DLL4: variants seen among roughly 807,000 people sequenced by gnomAD.
DLL4 encodes the protein delta like canonical Notch ligand 4.
DLL4 carries 7 observed loss-of-function variants against 73.6 expected under a neutral mutation model. The ratio of observed to expected loss-of-function variants is 0.10; its 90% CI spans 0.05 to 0.18. DLL4 has a LOEUF of 0.18. Among genes scored for constraint, DLL4 ranks in the 10% least tolerant of loss-of-function variants. DLL4 has a pLI of 1.00. For missense variants in DLL4, 614 were observed against 929.9 expected (o/e 0.66, Z 4.42); for synonymous variants, 345 against 374.3 (o/e 0.92, Z 0.90).
rs953872672 is a variant in DLL4 at position 40,929,413 on chromosome 15, A to G, written c.-256A>G. 39 of 494,782 alleles carry G rather than the reference A, an allele frequency of 7.9e-5. 1 individual carries two copies. The highest frequency in any genetic ancestry group is 7.3e-4 in the African/African-American group (36 of 49,128). The allele number at this position is 494,782 out of a possible 1,614,324, so 30.6% of individuals were successfully genotyped here. A position where few individuals can be genotyped will look rare whatever the true frequency, so the allele number is the denominator to read the frequency against. On this transcript the variant is annotated 5_prime_UTR_variant, in exon 1 of 11. Coordinates refer to ENST00000249749, the MANE Select transcript of DLL4 (RefSeq NM_019074.4). This position sits in a 1 kb window ranked among gnomAD's most constrained non-coding sequence, Gnocchi z 7.1. ...CCCCAGCCGCCTTGGTGCAGCGTAC[A>G]CCGGCACTAGCCCGCTTGCAGCCCC...
rs185009695 is a variant in DLL4 at position 40,937,631 on chromosome 15, T to C, written c.2052+105T>C. On this transcript the variant is annotated intron_variant, in intron 10 of 10. Transcript: ENST00000249749. ...CTGAAGGGTAGGTCAGAACCCTGCC[T>C]TGGCAGGCCAAGTTCAGTGGACTCT... The C allele has an allele frequency of 5.8e-5, 50 of 857,356 alleles. No homozygotes were observed. The African/African-American group carries it at 6.6e-4, about 11-fold the overall frequency. 53.1% of individuals were successfully genotyped at this position (857,356 alleles called of 1,614,324 possible).
chr15:40,932,305 C>T lies in DLL4; in HGVS notation c.720-12C>T, dbSNP rs369771204. The T allele has an allele frequency of 4.0e-5, 65 of 1,613,914 alleles. No homozygotes were observed. The highest frequency in any genetic ancestry group is 4.9e-5 in the Non-Finnish European group (58 of 1,179,902). On this transcript the variant is annotated splice_polypyrimidine_tract_variant and intron_variant, in intron 5 of 10. Coordinates refer to ENST00000249749, the MANE Select transcript of DLL4 (RefSeq NM_019074.4). ...GCCTCTCACCTCACTCTGCCTCTCTCTTGTTCCCCAGCTGCCGCCCAGGCT... is the reference window on the plus strand; with the variant it reads ...GCCTCTCACCTCACTCTGCCTCTCTTTTGTTCCCCAGCTGCCGCCCAGGCT...
At chr15:40,934,258 G>T (rs148168744) in intron 6 of DLL4, among the ~76,000 whole-genome samples, 2 of 149,532 alleles carry the variant, frequency 1.3e-5, no homozygotes, top group Admixed American at 1.3e-4. Flanking sequence ...CCCGGAAGGC[G>T]AAGGTTGTAG....
At chr15:40,931,348 G>A in intron 3 of DLL4, 155 bp from the exon 4 acceptor site, 1 of 892,178 alleles carries the variant, frequency 1.1e-6, no homozygotes, top group Non-Finnish European at 1.7e-6. Flanking sequence ...GGGTCCCTCT[G>A]GCCTGTTCTT....
chr15:40,937,866 C>T (rs934326774), intron 10 of DLL4, among the ~76,000 whole-genome samples, 163 bp from the exon 11 acceptor site: 1 of 152,186 alleles, frequency 6.6e-6, no homozygotes, highest in Non-Finnish European at 1.5e-5. Context: ...AGCGCAAGCT[C>T]CCAGGCCCGT....
At chr15:40,932,270 C>G in intron 5 of DLL4, 39 bp downstream of exon 5, 1 of 1,614,008 alleles carries the variant, frequency 6.2e-7, no homozygotes, top group South Asian at 1.1e-5. Context: ...GGAGCCCTCC[C>G]TTGGCCAAGG....
rs1171050363 is a variant in DLL4 at position 40,936,886 on chromosome 15, C to T, written c.1899C>T (p.His633=). The T allele has an allele frequency of 6.2e-7, 1 of 1,612,612 alleles. No individual in the cohort carries two copies. The highest frequency in any genetic ancestry group is 8.5e-7 in the Non-Finnish European group (1 of 1,179,688). ...GGACCATGCCAGGAAAGTTTCCCCA[C>T]AGTGACAAGAGCTTAGGAGAGAAGG... ...GRGTMPGKFP[H]SDKSLGEKAP... is the part of the protein sequence containing the mutation. Residue 633 remains histidine (H), a synonymous_variant, in exon 9 of 11, where the codon CAC becomes CAT. Coordinates refer to ENST00000249749, the MANE Select transcript of DLL4 (RefSeq NM_019074.4).
At chr15:40,934,515 C>T in intron 6 of DLL4, 33 bp from the exon 7 acceptor site, 1 of 1,608,178 alleles carries the variant, frequency 6.2e-7, no homozygotes, top group Non-Finnish European at 8.5e-7. Flanking sequence ...CATTCCCTGG[C>T]CCTGCTCAGC....
At position 40,931,551 on chromosome 15, in the gene DLL4, C is replaced by T. The variant is rs1470382488; in HGVS notation, c.443C>T (p.Ser148Phe). 1.2e-6 allele frequency: 2 copies of T among 1,610,700 alleles called. No individual in the cohort carries two copies. Among genetic ancestry groups the T allele is most frequent in the East Asian group, 2.2e-5 (1 of 44,746 alleles). The stretch of plus-strand genomic sequence containing the variant: ...ATCAGCAAGATCGCCATCCAGGGCT[C>T]CCTAGCTGTGGGTCAGAACTGGTTA... Reference protein sequence around the residue: ...ALISKIAIQGSLAVGQNWLLD... With the variant: ...ALISKIAIQGFLAVGQNWLLD... The change falls in exon 4 of 11, where the codon TCC becomes TTC. Residue 148 changes from serine to phenylalanine, a missense_variant. Physicochemically the swap from Ser to Phe is radical, Grantham distance 155. Coordinates refer to ENST00000249749, the MANE Select transcript of DLL4 (RefSeq NM_019074.4).
chr15:40,936,665 C>G lies in DLL4; in HGVS notation c.1678C>G (p.Pro560Ala). 6.2e-7 allele frequency: 1 copy of G among 1,612,652 alleles called. No homozygotes were observed. Among genetic ancestry groups the G allele is most frequent in the South Asian group, 1.1e-5 (1 of 91,072 alleles). ...TGTGCGGCAGCTGCGGCTTCGACGG[C>G]CGGACGACGGCAGCAGGGAAGCCAT... ...VAVRQLRLRR[P>A]DDGSREAMNN... Residue 560 changes from proline to alanine, a missense_variant, in exon 9 of 11, where the codon CCG becomes GCG. This residue lies in a region of DLL4 where 386 missense variants were observed against 541.3 expected (regional missense o/e 0.71). Transcript: ENST00000249749.
chr15:40,935,014 G>C lies in DLL4; in HGVS notation c.1137G>C (p.Glu379Asp). 18 of 1,613,528 alleles carry C rather than the reference G, an allele frequency of 1.1e-5. No individual in the cohort carries two copies. The highest frequency in any genetic ancestry group is 1.4e-5 in the Non-Finnish European group (17 of 1,179,900). Residue 379 changes from glutamate to aspartate, a missense_variant, in exon 8 of 11, where the codon GAG becomes GAC. By Grantham distance (45) the Glu-to-Asp change is conservative. This residue lies in a region of DLL4 where 386 missense variants were observed against 541.3 expected (regional missense o/e 0.71). Coordinates refer to ENST00000249749, the MANE Select transcript of DLL4 (RefSeq NM_019074.4). ...SPCFNGGSCRERNQGANYACE... is the reference protein window; with the variant it reads ...SPCFNGGSCRDRNQGANYACE... ...GCTTCAATGGGGGCTCCTGCCGGGAGCGCAACCAGGGGGCCAACTATGCTT... is the reference window on the plus strand; with the variant it reads ...GCTTCAATGGGGGCTCCTGCCGGGACCGCAACCAGGGGGCCAACTATGCTT...
rs995610397 is a variant in DLL4, at chr15:40,936,902, G to A, written c.1915G>A (p.Gly639Arg). ...GKFPHSDKSLGEKAPLRLHSE... is the reference protein window; with the variant it reads ...GKFPHSDKSLREKAPLRLHSE... The stretch of plus-strand genomic sequence containing the variant: ...GTTTCCCCACAGTGACAAGAGCTTA[G>A]GAGAGAAGGCGCCACTGCGGTTACA... Residue 639 changes from glycine to arginine, a missense_variant, in exon 9 of 11, where the codon GGA (glycine) becomes AGA (arginine). Gly to Arg is a moderately radical substitution (Grantham distance 125). Around this residue, in one of 3 missense-constraint regions of DLL4, gnomAD observed 386 missense variants for 541.3 expected, o/e 0.71. Transcript: ENST00000249749. 1.2e-6 allele frequency: 2 copies of A among 1,609,150 alleles called. No homozygotes were observed. Among genetic ancestry groups the A allele is most frequent in the African/African-American group, 2.7e-5 (2 of 74,572 alleles).
chr15:40,938,012 C>A lies in DLL4; in HGVS notation c.2053-17C>A. 3.1e-6 allele frequency: 5 copies of A among 1,601,184 alleles called. No individual in the cohort carries two copies. The highest frequency in any genetic ancestry group is 1.7e-5 in the Admixed American group (1 of 58,070). The stretch of plus-strand genomic sequence containing the variant: ...TGCCCAGGGTAACCTGTTTCCCTGC[C>A]TTCCGCTTGCTCCCAGGTATAAGGC... On this transcript the variant is annotated splice_polypyrimidine_tract_variant and intron_variant, in intron 10 of 10. Transcript: ENST00000249749.
intron 10 of DLL4, 93 bp from the exon 11 acceptor site, chr15:40,937,936 C>T (rs1307280204): frequency 2.0e-6 from 3 of 1,505,274 alleles, no homozygotes; most frequent in East Asian, 4.8e-5. Flanking sequence ...CCCTGCCTGC[C>T]CCATCGCCTT....
chr15:40,938,043 C>G lies in DLL4; in HGVS notation c.*9C>G. The G allele has an allele frequency of 6.3e-7, 1 of 1,576,660 alleles. No individual in the cohort carries two copies. Among genetic ancestry groups the G allele is most frequent in the Non-Finnish European group, 8.6e-7 (1 of 1,163,532 alleles). On this transcript the variant is annotated 3_prime_UTR_variant, in exon 11 of 11. Coordinates refer to ENST00000249749, the MANE Select transcript of DLL4 (RefSeq NM_019074.4). ...CTTGCTCCCAGGTATAAGGCAGGAG[C>G]CTACCTGGACATCCCTGCTCAGCCC...
rs377136086 is a variant in DLL4, at chr15:40,936,673, C to T, written c.1686C>T (p.Asp562=). The T allele has an allele frequency of 3.7e-5, 59 of 1,612,942 alleles. No homozygotes were observed. The African/African-American group carries it at 4.7e-4, about 13-fold the overall frequency. ...VRQLRLRRPD[D]GSREAMNNLS... ...AGCTGCGGCTTCGACGGCCGGACGA[C>T]GGCAGCAGGGAAGCCATGAACAACT... is the stretch of plus-strand genomic sequence containing the variant. Residue 562 remains aspartate, a synonymous_variant, in exon 9 of 11, where the codon GAC becomes GAT. Transcript: ENST00000249749.
chr15:40,931,835 G>C, intron 4 of DLL4, 69 bp downstream of exon 4: 2 of 1,575,770 alleles, frequency 1.3e-6, no homozygotes, highest in Non-Finnish European at 1.7e-6. Flanking sequence ...GAGCTTCTTG[G>C]TCACAGCTTG....
At chr15:40,931,311 C>G (rs763697267) in intron 3 of DLL4, 192 bp from the exon 4 acceptor site, 4 of 639,228 alleles carry the variant, frequency 6.3e-6, no homozygotes, top group African/African-American at 3.7e-5. Flanking sequence ...CATGCACACA[C>G]GTAGGGCAGC....
chr15:40,937,010 A>G (rs1596195417), intron 9 of DLL4, 80 bp downstream of exon 9: 1 of 1,214,540 alleles, frequency 8.2e-7, no homozygotes, highest in Non-Finnish European at 1.1e-6. Context: ...GCCAGGCGGG[A>G]AGCAGTTAAG....
Sources: gnomAD v4.1 joint callset for allele counts (sites outside exome capture counted in the v4.1 genomes callset) on GRCh38, gnomAD v4.1.1 for gene constraint, gnomAD v4.1.1 regional missense constraint, Gnocchi (gnomAD v3.1) non-coding constraint, MANE v1.5 for transcripts, NCBI Gene and HGNC (gene_info 2026-07-23, HGNC 2026-07-21) for gene names.